DEFB127: variants seen among roughly 807,000 people sequenced by gnomAD.
DEFB127 encodes defensin beta 127.
A neutral mutation model predicts 2.4 loss-of-function variants in DEFB127; 2 were observed. The observed-to-expected ratio is 0.82, with a 90% CI of 0.34 to 2.58. DEFB127 has a LOEUF of 2.58. DEFB127 is among the 30% of genes most tolerant of loss of function. The probability of loss-of-function intolerance (pLI) is 0.11; values close to 1 mark genes in which losing one functional copy is unlikely to be tolerated. For synonymous variants in DEFB127, 37 were observed against 39.8 expected (o/e 0.93, Z 0.26); for missense variants, 110 against 113.2 (o/e 0.97, Z 0.13).
intron 1 of DEFB127, among the ~76,000 whole-genome samples, 153 bp downstream of exon 1, chr20:157,746 C>G (rs1376452887): frequency 2.0e-5 from 3 of 152,068 alleles, no homozygotes; most frequent in African/African-American, 7.3e-5. Context: ...CTTTCTGGAG[C>G]CTTATTCCAT....
At chr20:157,931 A>ATGTGTGTGTG (rs1190932870) in intron 1 of DEFB127, among the ~76,000 whole-genome samples, 7 of 21,114 alleles carry the variant, frequency 3.3e-4, no homozygotes, top group African/African-American at 4.3e-4. Context: ...AAATATATAT[A>ATGTGTGTGTG]TGTGTGTGTG....
Position 159,108 on chromosome 20 carries a change from T to A in DEFB127, c.*84T>A, listed in dbSNP as rs2054715395. 7.1e-7 allele frequency: 1 copy of A among 1,405,662 alleles called. No homozygotes were observed. The highest frequency in any genetic ancestry group is 1.4e-5 in the African/African-American group (1 of 69,404). 87.1% of individuals were successfully genotyped at this position (1,405,662 alleles called of 1,614,324 possible). On this transcript the variant is annotated 3_prime_UTR_variant, in exon 2 of 2. Coordinates refer to ENST00000382388, the MANE Select transcript of DEFB127 (RefSeq NM_139074.4). ...GAGATATACATCTTCTTCCTTTTGG[T>A]TTCTTGATCCTTAAAATGACCTTCG...
rs1345364152 is a variant in DEFB127 at position 157,574 on chromosome 20, GC to G, written c.31del (p.Leu11CysfsTer7). MGLFMIIAIL[L>X]FQKPTVTEQL... Reference sequence around the variant, plus strand: ...GGCTCTTCATGATCATTGCAATTCTGCTGTTCCAGAAACCCACAGGTAAACC... The same window carrying G: ...GGCTCTTCATGATCATTGCAATTCTGTGTTCCAGAAACCCACAGGTAAACC... On this transcript the variant is annotated frameshift_variant, in exon 1 of 2. Coordinates refer to ENST00000382388, the MANE Select transcript of DEFB127 (RefSeq NM_139074.4). LOFTEE classifies it low-confidence loss of function (END_TRUNC). The G allele has an allele frequency of 6.2e-7, 1 of 1,613,800 alleles. No homozygotes were observed. Among genetic ancestry groups the G allele is most frequent in the African/African-American group, 1.3e-5 (1 of 74,906 alleles).
At chr20:157,929 A>G (rs1858593) in intron 1 of DEFB127, among the ~76,000 whole-genome samples, 3 of 130,238 alleles carry the variant, frequency 2.3e-5, no homozygotes, top group African/African-American at 2.7e-5. Context: ...TCAAATATAT[A>G]TATGTGTGTG....
rs1243096869 is a variant in DEFB127, at chr20:159,096, T to C, written c.*72T>C. ...AACTAAGGTGATGAGATATACATCT[T>C]CTTCCTTTTGGTTTCTTGATCCTTA... On this transcript the variant is annotated 3_prime_UTR_variant, in exon 2 of 2. Transcript: ENST00000382388. 2.0e-6 allele frequency: 3 copies of C among 1,470,686 alleles called. No individual in the cohort carries two copies. In the East Asian group the frequency reaches 6.9e-5, roughly 34 times the overall value. 91.1% of individuals were successfully genotyped at this position (1,470,686 alleles called of 1,614,324 possible). A position where few individuals can be genotyped will look rare whatever the true frequency, so the allele number is the denominator to read the frequency against.
rs941882021 is a variant in DEFB127, at chr20:158,999, C to G, written c.275C>G (p.Pro92Arg). Reference sequence around the variant, plus strand: ...TATGTTACAATAATAGAAAATTTCCCAAGCCTGAAGACACAGTCTACATAA... The same window carrying G: ...TATGTTACAATAATAGAAAATTTCCGAAGCCTGAAGACACAGTCTACATAA... ...QDYVTIIENF[P>R]SLKTQST Residue 92 changes from proline (P) to arginine (R), a missense_variant, in exon 2 of 2, where the codon CCA becomes CGA. By Grantham distance (103) the Pro-to-Arg change is moderately radical. Coordinates refer to ENST00000382388, the MANE Select transcript of DEFB127 (RefSeq NM_139074.4). The G allele has an allele frequency of 6.2e-7, 1 of 1,610,740 alleles. No individual in the cohort carries two copies. Among genetic ancestry groups the G allele is most frequent in the African/African-American group, 1.3e-5 (1 of 74,684 alleles).
Position 157,458 on chromosome 20 carries a change from A to G in DEFB127, c.-87A>G. ...TCCCATCTGTTCTGGTTCAGTGCAT[A>G]AGAATCTAAGTCTCTGAGGAAGGTA... On this transcript the variant is annotated 5_prime_UTR_variant, in exon 1 of 2. In the 5' UTR this introduces an upstream ATG that the reference lacks. Coordinates refer to ENST00000382388, the MANE Select transcript of DEFB127 (RefSeq NM_139074.4). The G allele has an allele frequency of 7.0e-7, 1 of 1,427,636 alleles. No individual in the cohort carries two copies. 88.4% of individuals were successfully genotyped at this position (1,427,636 alleles called of 1,614,324 possible).
chr20:159,007 A>C lies in DEFB127; in HGVS notation c.283A>C (p.Lys95Gln), dbSNP rs773073021. Residue 95 changes from lysine (K) to glutamine (Q), a missense_variant, in exon 2 of 2, where the codon AAG becomes CAG. Physicochemically the swap from Lys to Gln is moderately conservative, Grantham distance 53. Coordinates refer to ENST00000382388, the MANE Select transcript of DEFB127 (RefSeq NM_139074.4). ...AATAATAGAAAATTTCCCAAGCCTG[A>C]AGACACAGTCTACATAAATCAAATA... The part of the protein sequence containing the change: ...VTIIENFPSL[K>Q]TQST 9.9e-6 allele frequency: 16 copies of C among 1,610,038 alleles called. No individual in the cohort carries two copies. The highest frequency in any genetic ancestry group is 1.4e-5 in the Non-Finnish European group (16 of 1,178,624).
In DEFB127 at chr20:157,465, T is replaced by G; in HGVS notation, c.-80T>G. 1.3e-6 allele frequency: 2 copies of G among 1,483,034 alleles called. No individual in the cohort carries two copies. 91.9% of individuals were successfully genotyped at this position (1,483,034 alleles called of 1,614,324 possible). ...TGTTCTGGTTCAGTGCATAAGAATCTAAGTCTCTGAGGAAGGTAGCATAGT... is the reference window on the plus strand; with the variant it reads ...TGTTCTGGTTCAGTGCATAAGAATCGAAGTCTCTGAGGAAGGTAGCATAGT... On this transcript the variant is annotated 5_prime_UTR_variant, in exon 1 of 2. Transcript: ENST00000382388.
chr20:159,101 C>T lies in DEFB127; in HGVS notation c.*77C>T, dbSNP rs2054715360. 2 of 1,440,758 alleles carry T rather than the reference C, an allele frequency of 1.4e-6. No homozygotes were observed. The highest frequency in any genetic ancestry group is 9.3e-7 in the Non-Finnish European group (1 of 1,071,480). 89.2% of individuals were successfully genotyped at this position (1,440,758 alleles called of 1,614,324 possible). A position where few individuals can be genotyped will look rare whatever the true frequency, so the allele number is the denominator to read the frequency against. Reference sequence around the variant, plus strand: ...AGGTGATGAGATATACATCTTCTTCCTTTTGGTTTCTTGATCCTTAAAATG... The same window carrying T: ...AGGTGATGAGATATACATCTTCTTCTTTTTGGTTTCTTGATCCTTAAAATG... On this transcript the variant is annotated 3_prime_UTR_variant, in exon 2 of 2. Coordinates refer to ENST00000382388, the MANE Select transcript of DEFB127 (RefSeq NM_139074.4).
chr20:158,952 A>G lies in DEFB127; in HGVS notation c.228A>G (p.Thr76=). The change falls in exon 2 of 2, where the codon ACA becomes ACG. Residue 76 remains threonine (T), a synonymous_variant. Coordinates refer to ENST00000382388, the MANE Select transcript of DEFB127 (RefSeq NM_139074.4). ...AGCCACCTCGTCCAAAGCCAGCAAC[A>G]CTTGCACTGACTCTTCAAGACTATG... ...ITKPPRPKPA[T]LALTLQDYVT... The G allele has an allele frequency of 6.2e-7, 1 of 1,613,676 alleles. No individual in the cohort carries two copies. The highest frequency in any genetic ancestry group is 8.5e-7 in the Non-Finnish European group (1 of 1,179,750).
intron 1 of DEFB127, among the ~76,000 whole-genome samples, chr20:157,960 T>C (rs6086288): frequency 0.6 from 89,223 of 149,762 alleles, 26,532 homozygotes; most frequent in Non-Finnish European, 0.63. Context: ...TGTGTGTGTG[T>C]GTGCATGAAT....
At chr20:157,931 ATGTGTGTGTG>A (rs1190932870) in intron 1 of DEFB127, among the ~76,000 whole-genome samples, 186 of 21,176 alleles carry the variant, frequency 8.8e-3, no homozygotes, top group African/African-American at 0.011. Context: ...AAATATATAT[ATGTGTGTGTG>A]TGTGTGTGTG....
rs1456470782 is a variant in DEFB127 at position 159,063 on chromosome 20, G to A, written c.*39G>A. 1.9e-6 allele frequency: 3 copies of A among 1,561,288 alleles called. No homozygotes were observed. Among genetic ancestry groups the A allele is most frequent in the Middle Eastern group, 1.7e-4 (1 of 5,786 alleles). ...TCGTTTTCACTTGCTTCTCAACCTAGTCTAATAAACTAAGGTGATGAGATA... is the reference window on the plus strand; with the variant it reads ...TCGTTTTCACTTGCTTCTCAACCTAATCTAATAAACTAAGGTGATGAGATA... On this transcript the variant is annotated 3_prime_UTR_variant, in exon 2 of 2. Transcript: ENST00000382388.
rs781658466 is a variant in DEFB127, at chr20:158,983, A to G, written c.259A>G (p.Ile87Val). 1.6e-5 allele frequency: 25 copies of G among 1,611,002 alleles called. No individual in the cohort carries two copies. Among genetic ancestry groups the G allele is most frequent in the Non-Finnish European group, 1.9e-5 (22 of 1,179,056 alleles). Residue 87 changes from isoleucine to valine, a missense_variant, in exon 2 of 2, where the codon ATA (isoleucine) becomes GTA (valine). By Grantham distance (29) the Ile-to-Val change is conservative. Coordinates refer to ENST00000382388, the MANE Select transcript of DEFB127 (RefSeq NM_139074.4). Reference protein sequence around the residue: ...LALTLQDYVTIIENFPSLKTQ... With the variant: ...LALTLQDYVTVIENFPSLKTQ... ...ACTGACTCTTCAAGACTATGTTACA[A>G]TAATAGAAAATTTCCCAAGCCTGAA... is the stretch of plus-strand genomic sequence containing the variant.
At chr20:158,666 G>C (rs763980855) in intron 1 of DEFB127, 108 bp from the exon 2 acceptor site, 13 of 1,127,698 alleles carry the variant, frequency 1.2e-5, no homozygotes, top group Non-Finnish European at 1.6e-5. Context: ...TCTGCCTTGT[G>C]GATACCCCAT....
In DEFB127 at chr20:157,529, T is replaced by G; in HGVS notation, c.-16T>G. The G allele has an allele frequency of 6.3e-7, 1 of 1,579,228 alleles. No individual in the cohort carries two copies. The highest frequency in any genetic ancestry group is 8.6e-7 in the Non-Finnish European group (1 of 1,160,260). ...GACCAAAAGCTTTGGCTGCACCTCT[T>G]CTGGAAAGCCTGGCCATGGGGCTCT... On this transcript the variant is annotated 5_prime_UTR_variant, in exon 1 of 2. Transcript: ENST00000382388.
chr20:159,118 C>T lies in DEFB127; in HGVS notation c.*94C>T. On this transcript the variant is annotated 3_prime_UTR_variant, in exon 2 of 2. Transcript: ENST00000382388. The stretch of plus-strand genomic sequence containing the variant: ...TCTTCTTCCTTTTGGTTTCTTGATC[C>T]TTAAAATGACCTTCGAGCATATTCT... 2.2e-6 allele frequency: 3 copies of T among 1,362,142 alleles called. No homozygotes were observed. The highest frequency in any genetic ancestry group is 3.0e-6 in the Non-Finnish European group (3 of 1,009,166). 84.4% of individuals were successfully genotyped at this position (1,362,142 alleles called of 1,614,324 possible).
chr20:159,093 T>A lies in DEFB127; in HGVS notation c.*69T>A, dbSNP rs1774005012. 1 of 1,471,954 alleles carries A rather than the reference T, an allele frequency of 6.8e-7. No individual in the cohort carries two copies. The highest frequency in any genetic ancestry group is 2.3e-5 in the Admixed American group (1 of 43,364). The allele number at this position is 1,471,954 out of a possible 1,614,324, so 91.2% of individuals were successfully genotyped here. On this transcript the variant is annotated 3_prime_UTR_variant, in exon 2 of 2. Coordinates refer to ENST00000382388, the MANE Select transcript of DEFB127 (RefSeq NM_139074.4). ...ATAAACTAAGGTGATGAGATATACA[T>A]CTTCTTCCTTTTGGTTTCTTGATCC...
Sources: gnomAD v4.1 joint callset for allele counts (sites outside exome capture counted in the v4.1 genomes callset) on GRCh38, gnomAD v4.1.1 for gene constraint, MANE v1.5 for transcripts, NCBI Gene and HGNC (gene_info 2026-07-23, HGNC 2026-07-21) for gene names.